The following ULK4 variants were observed in gnomAD, a reference collection of about 807,000 sequenced individuals.
ULK4 encodes unc-51 like kinase 4, also known as inactive serine/threonine-protein kinase ULK4.
ULK4 carries 133 observed loss-of-function variants against 160.6 expected under a neutral mutation model. The ratio of observed to expected loss-of-function variants is 0.83; its 90% CI spans 0.72 to 0.96. The LOEUF (loss-of-function observed/expected upper bound fraction) is 0.96, where lower values mean the gene tolerates loss of function less well. Among genes scored for constraint, ULK4 ranks in the 40% least tolerant of loss-of-function variants. ULK4 has a pLI of 0.00. For synonymous variants in ULK4, 534 were observed against 539.8 expected (o/e 0.99, Z 0.15); for missense variants, 1,580 against 1,499.5 (o/e 1.05, Z -0.89).
chr3:41,797,275 C>A (rs11129932), intron 20 of ULK4, among the ~76,000 whole-genome samples: 18,833 of 151,940 alleles, frequency 0.12, 1,347 homozygotes, highest in Middle Eastern at 0.26. Context: ...ATATGAGCTA[C>A]AAAACCCAAA....
intron 30 of ULK4, among the ~76,000 whole-genome samples, chr3:41,631,904 C>A (rs1296184710): frequency 6.6e-6 from 1 of 152,194 alleles, no homozygotes. Flanking sequence ...GTCTGTAATG[C>A]TCCTGCTACC....
chr3:41,688,798 C>T (rs1355762678), intron 27 of ULK4, among the ~76,000 whole-genome samples: 1 of 152,152 alleles, frequency 6.6e-6, no homozygotes, highest in East Asian at 1.9e-4. Flanking sequence ...TTCTACCTCA[C>T]TTATCTGCTT....
chr3:41,372,928 T>A (rs1370289730), intron 35 of ULK4, among the ~76,000 whole-genome samples: 1 of 151,808 alleles, frequency 6.6e-6, no homozygotes. Flanking sequence ...AGGCTCAAAA[T>A]AAAGGGATGA....
chr3:41,893,165 T>C (rs1406470312), intron 16 of ULK4, among the ~76,000 whole-genome samples: 3 of 152,180 alleles, frequency 2.0e-5, no homozygotes, highest in Admixed American at 2.0e-4. Context: ...TACTGTTTAA[T>C]GGGTAAAGAG....
intron 35 of ULK4, among the ~76,000 whole-genome samples, chr3:41,270,441 G>A (rs567198829): frequency 4.6e-5 from 7 of 152,296 alleles, no homozygotes; most frequent in South Asian, 2.1e-4. Flanking sequence ...TTAGAGTCAC[G>A]AAGCAGAAAC....
At chr3:41,543,859 A>G (rs2086771162) in intron 32 of ULK4, among the ~76,000 whole-genome samples, 1 of 152,080 alleles carries the variant, frequency 6.6e-6, no homozygotes, top group Non-Finnish European at 1.5e-5. Flanking sequence ...CAACTTCTGA[A>G]TTTCCATTTG....
chr3:41,526,997 G>C (rs2086142115), intron 32 of ULK4, among the ~76,000 whole-genome samples: 1 of 152,178 alleles, frequency 6.6e-6, no homozygotes, highest in Non-Finnish European at 1.5e-5. Flanking sequence ...TACCAGAATA[G>C]TAGTGAAAAT....
intron 34 of ULK4, among the ~76,000 whole-genome samples, chr3:41,443,120 C>G (rs1326701326): frequency 6.6e-6 from 1 of 152,124 alleles, no homozygotes; most frequent in African/African-American, 2.4e-5. Flanking sequence ...TTATCCTTTT[C>G]ATCAAAACCA....
At chr3:41,567,299 A>G (rs2087813608) in intron 31 of ULK4, among the ~76,000 whole-genome samples, 1 of 152,160 alleles carries the variant, frequency 6.6e-6, no homozygotes, top group Admixed American at 6.5e-5. Flanking sequence ...TGAACCATAT[A>G]ATGTATTAGA....
chr3:41,254,225 A>T (rs2078790925), intron 35 of ULK4, among the ~76,000 whole-genome samples: 1 of 152,216 alleles, frequency 6.6e-6, no homozygotes. Context: ...ATACTTACAA[A>T]TGTATACAGT....
chr3:41,814,182 T>C lies in ULK4; in HGVS notation c.1848+5241A>G, dbSNP rs1161636363. Among the ~76,000 whole-genome samples, 9 of 152,324 alleles carry C rather than the reference T, an allele frequency of 5.9e-5. No individual in the cohort carries two copies. The East Asian group carries it at 1.7e-3, about 29-fold the overall frequency. ...CATGTGAGAACTGATGAAATATCTG[T>C]ATGTAGTATCTTTCAAGGATTTATA... is the stretch of plus-strand genomic sequence containing the variant. On this transcript the variant is annotated intron_variant, in intron 19 of 36. Transcript: ENST00000301831.
chr3:41,738,540 TGGACCTCA>T (rs1347821444), intron 22 of ULK4, among the ~76,000 whole-genome samples: 2 of 151,916 alleles, frequency 1.3e-5, no homozygotes, highest in African/African-American at 2.4e-5. Flanking sequence ...TTAAGCTGGT[TGGACCTCA>T]GGAAATATCA....
intron 31 of ULK4, among the ~76,000 whole-genome samples, chr3:41,604,248 A>T (rs2125667700): frequency 6.6e-6 from 1 of 152,216 alleles, no homozygotes; most frequent in South Asian, 2.1e-4. Context: ...AGATGACACG[A>T]GGCGAGAGAG....
intron 21 of ULK4, among the ~76,000 whole-genome samples, chr3:41,768,621 T>A (rs1030332247): frequency 6.6e-5 from 10 of 152,198 alleles, no homozygotes; most frequent in African/African-American, 2.4e-4. Context: ...TTGCCAGTCA[T>A]ATGAATGAGC....
intron 32 of ULK4, among the ~76,000 whole-genome samples, chr3:41,514,692 T>C (rs921734516): frequency 1.3e-5 from 2 of 152,016 alleles, no homozygotes; most frequent in African/African-American, 4.8e-5. Flanking sequence ...AAGACAAACA[T>C]TGCATGTTCT....
chr3:41,665,672 A>G, intron 29 of ULK4, among the ~76,000 whole-genome samples: 1 of 152,234 alleles, frequency 6.6e-6, no homozygotes. Context: ...AATATATTTT[A>G]TCATATAAAT....
intron 30 of ULK4, among the ~76,000 whole-genome samples, chr3:41,638,812 T>C (rs539679422): frequency 5.9e-5 from 9 of 152,366 alleles, no homozygotes; most frequent in African/African-American, 1.7e-4. Flanking sequence ...TTATGCCTCA[T>C]GTTACATTCC....
intron 17 of ULK4, among the ~76,000 whole-genome samples, chr3:41,880,233 A>T (rs999832255): frequency 5.3e-5 from 8 of 152,226 alleles, no homozygotes; most frequent in African/African-American, 1.9e-4. Flanking sequence ...AATGTTTTTT[A>T]AAATTATTAC....
chr3:41,439,296 C>A (rs2083105752), intron 34 of ULK4, among the ~76,000 whole-genome samples: 1 of 152,002 alleles, frequency 6.6e-6, no homozygotes, highest in Admixed American at 6.5e-5. Flanking sequence ...GGACCCAGGG[C>A]AAGGTAACTA....
Sources: gnomAD v4.1 joint callset for allele counts (sites outside exome capture counted in the v4.1 genomes callset) on GRCh38, gnomAD v4.1.1 for gene constraint, MANE v1.5 for transcripts, NCBI Gene and HGNC (gene_info 2026-07-23, HGNC 2026-07-21) for gene names.